The following DLAT variants were observed in gnomAD, a reference collection of about 807,000 sequenced individuals.
The protein encoded by DLAT is dihydrolipoamide S-acetyltransferase.
Under a neutral mutation model 68.0 loss-of-function variants are expected in DLAT, and 43 were observed. That is an observed-to-expected ratio of 0.63 (90% confidence interval 0.50 to 0.81). The LOEUF (loss-of-function observed/expected upper bound fraction) is 0.81, where lower values mean the gene tolerates loss of function less well. Ranked by LOEUF, DLAT falls within the 40% of genes least tolerant of loss-of-function variation. DLAT has a pLI of 0.00. For synonymous variants in DLAT, 265 were observed against 288.6 expected (o/e 0.92, Z 0.83); for missense variants, 745 against 815.4 (o/e 0.91, Z 1.05).
chr11:112,042,489 A>G (rs1474947136), intron 7 of DLAT, among the ~76,000 whole-genome samples: 4 of 152,162 alleles, frequency 2.6e-5, no homozygotes, highest in Non-Finnish European at 5.9e-5. Context: ...CAGTTTTCGT[A>G]ATGAAGGAAA....
rs1555180808 is a variant in DLAT, at chr11:112,039,326, G to A, written c.1058G>A (p.Gly353Glu). 3.1e-6 allele frequency: 5 copies of A among 1,614,130 alleles called. No individual in the cohort carries two copies. In the South Asian group the frequency reaches 5.5e-5, roughly 18 times the overall value. The change falls in exon 7 of 14, where the codon GGA becomes GAA. Residue 353 changes from glycine (G) to glutamate (E), a missense_variant. Coordinates refer to ENST00000280346, the MANE Select transcript of DLAT (RefSeq NM_001931.5). ...CCAGCTACTCCTGCTGGACCAAAGGGAAGGGTGTTTGTTAGCCCTCTTGCA... is the reference window on the plus strand; with the variant it reads ...CCAGCTACTCCTGCTGGACCAAAGGAAAGGGTGTTTGTTAGCCCTCTTGCA... Reference protein sequence around the residue: ...PCPATPAGPKGRVFVSPLAKK... With the variant: ...PCPATPAGPKERVFVSPLAKK...
At position 112,051,423 on chromosome 11, in the gene DLAT, GGGATA is replaced by G; in HGVS notation, c.1514+75_1514+79del. On this transcript the variant is annotated intron_variant, in intron 11 of 13. Coordinates refer to ENST00000280346, the MANE Select transcript of DLAT (RefSeq NM_001931.5). The surrounding 1 kb of genome is among the most constrained non-coding windows in gnomAD (Gnocchi z 4.3). ...TATTTAATGTGTGAGTGGAGTTGAG[GGGATA>G]AGGAGAAATGGAATACAGAGAGGCA... 1 of 1,086,402 alleles carries G rather than the reference GGGATA, an allele frequency of 9.2e-7. No homozygotes were observed. Among genetic ancestry groups the G allele is most frequent in the Non-Finnish European group, 1.4e-6 (1 of 710,862 alleles). The allele number at this position is 1,086,402 out of a possible 1,614,324, so 67.3% of individuals were successfully genotyped here.
At chr11:112,048,440 T>C (rs1284308416) in intron 10 of DLAT, among the ~76,000 whole-genome samples, 2 of 152,246 alleles carry the variant, frequency 1.3e-5, no homozygotes, top group African/African-American at 4.8e-5. Context: ...CCTCTTTTTC[T>C]ATTTGAATAC....
rs1007371117 is a variant in DLAT at position 112,043,845 on chromosome 11, A to G, written c.1197+312A>G. Among the ~76,000 whole-genome samples, 7 of 152,216 alleles carry G rather than the reference A, an allele frequency of 4.6e-5. 1 individual carries two copies. Among genetic ancestry groups the G allele is most frequent in the Non-Finnish European group, 1.0e-4 (7 of 68,042 alleles). On this transcript the variant is annotated intron_variant, in intron 8 of 13. Coordinates refer to ENST00000280346, the MANE Select transcript of DLAT (RefSeq NM_001931.5). ...TAATATTAAATACAAGGTAAATACT[A>G]TGTAAATAGTTGTTATATTTTATTG... is the stretch of plus-strand genomic sequence containing the variant.
chr11:112,030,051 G>T, intron 4 of DLAT: 1 of 964,464 alleles, frequency 1.0e-6, no homozygotes, highest in Non-Finnish European at 1.6e-6. Flanking sequence ...CAGGCCTGGA[G>T]CTGAGTGTCT....
At chr11:112,055,802 T>C (rs1332323623) in intron 11 of DLAT, among the ~76,000 whole-genome samples, 1 of 151,090 alleles carries the variant, frequency 6.6e-6, no homozygotes, top group Non-Finnish European at 1.5e-5. Context: ...GCAGGAATTT[T>C]TTTTTTAATA....
In DLAT at chr11:112,064,245, G is replaced by A. The variant is rs1864816400; in HGVS notation, c.*1710G>A. 1.9e-6 allele frequency: 3 copies of A among 1,540,264 alleles called. No individual in the cohort carries two copies. Among genetic ancestry groups the A allele is most frequent in the African/African-American group, 1.4e-5 (1 of 73,174 alleles). ...CCCTTGAAAAAAAATAAAAACAGTT[G>A]CCTTCTAATAAACATTGTTGAGTTA... is the stretch of plus-strand genomic sequence containing the variant. On this transcript the variant is annotated 3_prime_UTR_variant, in exon 14 of 14. Coordinates refer to ENST00000280346, the MANE Select transcript of DLAT (RefSeq NM_001931.5).
At chr11:112,048,621 C>T (rs967822629) in intron 10 of DLAT, among the ~76,000 whole-genome samples, 2 of 152,106 alleles carry the variant, frequency 1.3e-5, no homozygotes, top group African/African-American at 4.8e-5. Flanking sequence ...GCAACCTCCA[C>T]CTTCCAGGTT....
At chr11:112,040,756 C>G (rs1465363876) in intron 7 of DLAT, among the ~76,000 whole-genome samples, 2 of 151,934 alleles carry the variant, frequency 1.3e-5, no homozygotes, top group African/African-American at 4.8e-5. Flanking sequence ...TCAGGGACAG[C>G]AGTGTAAGTT....
chr11:112,025,999 C>G (rs587700801), intron 1 of DLAT, among the ~76,000 whole-genome samples, 199 bp from the exon 2 acceptor site: 1 of 152,320 alleles, frequency 6.6e-6, no homozygotes, highest in African/African-American at 2.4e-5. Context: ...TTGTCAGACC[C>G]ACAGGACTGT....
At chr11:112,044,968 G>A (rs1379033640) in intron 8 of DLAT, among the ~76,000 whole-genome samples, 170 bp from the exon 9 acceptor site, 1 of 151,858 alleles carries the variant, frequency 6.6e-6, no homozygotes, top group Non-Finnish European at 1.5e-5. Flanking sequence ...CCAGGAGGTT[G>A]AGGCTGCAGT....
chr11:112,045,726 G>A (rs974075301), intron 9 of DLAT, 137 bp from the exon 10 acceptor site: 14 of 631,058 alleles, frequency 2.2e-5, no homozygotes, highest in African/African-American at 1.3e-4. Flanking sequence ...ATATTATGGC[G>A]GAGTCCTCCA....
intron 5 of DLAT, among the ~76,000 whole-genome samples, chr11:112,034,104 CTG>C (rs1282468008): frequency 6.6e-6 from 1 of 152,200 alleles, no homozygotes; most frequent in Non-Finnish European, 1.5e-5. Flanking sequence ...GGCAATCAAT[CTG>C]TCAATTCACA....
chr11:112,049,397 C>G (rs1184200827), intron 10 of DLAT, among the ~76,000 whole-genome samples: 1 of 152,160 alleles, frequency 6.6e-6, no homozygotes, highest in Non-Finnish European at 1.5e-5. Context: ...AGGTGTTCTT[C>G]AGTCTCTTTC....
At chr11:112,052,215 A>C (rs934133350) in intron 11 of DLAT, among the ~76,000 whole-genome samples, 1 of 152,176 alleles carries the variant, frequency 6.6e-6, no homozygotes, top group East Asian at 1.9e-4. Flanking sequence ...AGATGAGTAG[A>C]GGCAGGGGTG....
At position 112,059,997 on chromosome 11, in the gene DLAT, A is replaced by AT; in HGVS notation, c.1611dup (p.Ala538CysfsTer2). ...TGCACATATAAAAGGAGTGGAAACC[A>AT]TTGCTAATGATGTTGTTTCTTTAGC... On this transcript the variant is annotated frameshift_variant, in exon 12 of 14. Coordinates refer to ENST00000280346, the MANE Select transcript of DLAT (RefSeq NM_001931.5). LOFTEE classifies it high-confidence loss of function. The AT allele has an allele frequency of 6.2e-7, 1 of 1,614,048 alleles. No homozygotes were observed. Among genetic ancestry groups the AT allele is most frequent in the Non-Finnish European group, 8.5e-7 (1 of 1,179,982 alleles).
chr11:112,050,982 C>CA (rs1481196066), intron 10 of DLAT, among the ~76,000 whole-genome samples: 3 of 152,148 alleles, frequency 2.0e-5, no homozygotes, highest in African/African-American at 7.2e-5. Context: ...CTCCTTTTCT[C>CA]ACGATTATAC....
chr11:112,055,208 C>G (rs1863935207), intron 11 of DLAT, among the ~76,000 whole-genome samples: 1 of 147,838 alleles, frequency 6.8e-6, no homozygotes, highest in South Asian at 2.2e-4. Context: ...AAGGCATTGA[C>G]AGTCTTCCGT....
Position 112,059,998 on chromosome 11 carries a change from T to C in DLAT, c.1610T>C (p.Ile537Thr), listed in dbSNP as rs782032187. ...GCACATATAAAAGGAGTGGAAACCATTGCTAATGATGTTGTTTCTTTAGCA... is the reference window on the plus strand; with the variant it reads ...GCACATATAAAAGGAGTGGAAACCACTGCTAATGATGTTGTTTCTTTAGCA... ...FNAHIKGVET[I>T]ANDVVSLATK... Residue 537 changes from isoleucine (I) to threonine (T), a missense_variant, in exon 12 of 14, where the codon ATT becomes ACT. Physicochemically the swap from Ile to Thr is moderately conservative, Grantham distance 89 (BLOSUM62 -1). Coordinates refer to ENST00000280346, the MANE Select transcript of DLAT (RefSeq NM_001931.5). The C allele has an allele frequency of 6.2e-7, 1 of 1,614,072 alleles. No individual in the cohort carries two copies. The highest frequency in any genetic ancestry group is 8.5e-7 in the Non-Finnish European group (1 of 1,179,990).
Sources: gnomAD v4.1 joint callset for allele counts (sites outside exome capture counted in the v4.1 genomes callset) on GRCh38, gnomAD v4.1.1 for gene constraint, Gnocchi (gnomAD v3.1) non-coding constraint, MANE v1.5 for transcripts, NCBI Gene and HGNC (gene_info 2026-07-23, HGNC 2026-07-21) for gene names.